CDS1: variants seen among roughly 807,000 people sequenced by gnomAD.
CDS1 encodes the protein phosphatidate cytidylyltransferase 1.
CDS1 carries 41 observed loss-of-function variants against 62.1 expected under a neutral mutation model. The observed-to-expected ratio is 0.66, with a 90% confidence interval of 0.51 to 0.86. CDS1 has a LOEUF of 0.86. CDS1 is among the 40% of genes least tolerant of loss of function. The probability of loss-of-function intolerance (pLI) is 0.00; values close to 1 mark genes in which losing one functional copy is unlikely to be tolerated. For synonymous variants in CDS1, 185 were observed against 192.6 expected (o/e 0.96, Z 0.32); for missense variants, 470 against 550.1 (o/e 0.85, Z 1.46).
chr4:84,645,434 A>G (rs1377216863), intron 12 of CDS1, 109 bp downstream of exon 12: 1 of 668,544 alleles, frequency 1.5e-6, no homozygotes, highest in African/African-American at 1.8e-5. Context: ...CTACAATATT[A>G]AAGTGAATGG....
At chr4:84,601,349 G>A (rs1304753501) in intron 1 of CDS1, among the ~76,000 whole-genome samples, 1 of 152,084 alleles carries the variant, frequency 6.6e-6, no homozygotes, top group Non-Finnish European at 1.5e-5. Flanking sequence ...TCCAAAGAAG[G>A]AATTACAGAA....
intron 1 of CDS1, among the ~76,000 whole-genome samples, chr4:84,600,887 G>T (rs1337830444): frequency 2.0e-5 from 3 of 152,134 alleles, no homozygotes; most frequent in Non-Finnish European, 4.4e-5. Flanking sequence ...AATGGAGGGA[G>T]GCTGGGCACG....
chr4:84,605,167 A>G (rs1723055637), intron 2 of CDS1, among the ~76,000 whole-genome samples: 1 of 152,178 alleles, frequency 6.6e-6, no homozygotes, highest in Admixed American at 6.5e-5. Flanking sequence ...TGTTTCCCCA[A>G]CTTTTTGACA....
chr4:84,584,952 G>A (rs773736163), intron 1 of CDS1, among the ~76,000 whole-genome samples: 77 of 152,242 alleles, frequency 5.1e-4, no homozygotes, highest in Non-Finnish European at 7.8e-4. Context: ...GATTTGTTTT[G>A]TTTTGTTTTT....
intron 9 of CDS1, 67 bp from the exon 10 acceptor site, chr4:84,640,771 G>A (rs2148659619): frequency 5.6e-6 from 7 of 1,255,518 alleles, no homozygotes; most frequent in Non-Finnish European, 7.4e-6. Flanking sequence ...AAAGATATAT[G>A]TTTAGTCAAT....
At chr4:84,612,936 C>G (rs1723369288) in intron 3 of CDS1, among the ~76,000 whole-genome samples, 1 of 147,350 alleles carries the variant, frequency 6.8e-6, no homozygotes, top group African/African-American at 2.5e-5. Flanking sequence ...TTGCAGTGAG[C>G]TGAGATCACA....
chr4:84,625,256 T>G (rs1247273589), intron 5 of CDS1, among the ~76,000 whole-genome samples: 1 of 152,202 alleles, frequency 6.6e-6, no homozygotes, highest in Non-Finnish European at 1.5e-5. Context: ...AGAAACTTAC[T>G]GAAAGTCATC....
chr4:84,639,831 T>C (rs1310774765), intron 9 of CDS1, among the ~76,000 whole-genome samples: 1 of 152,088 alleles, frequency 6.6e-6, no homozygotes, highest in Non-Finnish European at 1.5e-5. Context: ...CAATGAAAAT[T>C]TTAATAAAAT....
chr4:84,589,191 C>G (rs964859689), intron 1 of CDS1, among the ~76,000 whole-genome samples: 1 of 152,230 alleles, frequency 6.6e-6, no homozygotes, highest in Admixed American at 6.5e-5. Context: ...CTTGCATAAC[C>G]GTGGTACATC....
At chr4:84,601,122 A>G (rs984730196) in intron 1 of CDS1, among the ~76,000 whole-genome samples, 9 of 149,416 alleles carry the variant, frequency 6.0e-5, no homozygotes, top group Non-Finnish European at 1.2e-4. Flanking sequence ...GCCATGAGCC[A>G]AGATCACGCC....
At chr4:84,642,985 G>A (rs369816405) in intron 10 of CDS1, 39 bp from the exon 11 acceptor site, 28 of 1,570,054 alleles carry the variant, frequency 1.8e-5, no homozygotes, top group African/African-American at 2.7e-5. Flanking sequence ...CAATTTCAGT[G>A]AAATTAGCCC....
In CDS1 at chr4:84,617,416, G is replaced by C. The variant is rs190385786; in HGVS notation, c.343-148G>C. The C allele has an allele frequency of 5.2e-6, 3 of 576,708 alleles. No individual in the cohort carries two copies. The African/African-American group carries it at 5.8e-5, about 11-fold the overall frequency. The allele number at this position is 576,708 out of a possible 1,614,324, so 35.7% of individuals were successfully genotyped here. On this transcript the variant is annotated intron_variant, in intron 3 of 12. Coordinates refer to ENST00000295887, the MANE Select transcript of CDS1 (RefSeq NM_001263.4). The stretch of plus-strand genomic sequence containing the variant: ...GTTATCACTTGATTTTAGAGACATG[G>C]AATATTGCATTTTTTACTGACATTT...
intron 1 of CDS1, among the ~76,000 whole-genome samples, chr4:84,599,412 A>G (rs1209095426): frequency 2.2e-4 from 3 of 13,832 alleles, no homozygotes; most frequent in Non-Finnish European, 3.1e-4. Context: ...ACACATATAT[A>G]TATATATATA....
intron 3 of CDS1, among the ~76,000 whole-genome samples, chr4:84,613,816 T>C (rs1052780712): frequency 1.3e-5 from 2 of 152,192 alleles, no homozygotes; most frequent in Non-Finnish European, 2.9e-5. Flanking sequence ...AAGAGGTTTT[T>C]TCCCCCCCTG....
chr4:84,635,458 T>C (rs1724154936), intron 8 of CDS1, 107 bp downstream of exon 8: 6 of 735,120 alleles, frequency 8.2e-6, no homozygotes, highest in Non-Finnish European at 1.4e-5. Context: ...TTTGAGGTGC[T>C]TTGATTTTCC....
chr4:84,606,872 G>A (rs1288007307), intron 2 of CDS1, among the ~76,000 whole-genome samples: 1 of 152,132 alleles, frequency 6.6e-6, no homozygotes, highest in Non-Finnish European at 1.5e-5. Flanking sequence ...ATAGAGACAG[G>A]ATTTTGCCTT....
chr4:84,633,818 T>A, intron 6 of CDS1, 39 bp from the exon 7 acceptor site: 1 of 1,395,660 alleles, frequency 7.2e-7, no homozygotes, highest in Non-Finnish European at 1.0e-6. Flanking sequence ...CACTGATCAG[T>A]TGTGTTCACT....
intron 5 of CDS1, among the ~76,000 whole-genome samples, chr4:84,628,576 A>C (rs780772352): frequency 6.6e-6 from 1 of 152,134 alleles, no homozygotes; most frequent in Non-Finnish European, 1.5e-5. Flanking sequence ...TTTGTGGTCC[A>C]GGCTGGAGTA....
At chr4:84,607,541 T>G (rs891547848) in intron 2 of CDS1, among the ~76,000 whole-genome samples, 13 of 151,876 alleles carry the variant, frequency 8.6e-5, no homozygotes, top group African/African-American at 2.7e-4. Flanking sequence ...CAGGCTGGTC[T>G]CAAACTCCTG....
Sources: allele counts gnomAD v4.1 joint callset (sites outside exome capture counted in the v4.1 genomes callset), GRCh38; gene constraint gnomAD v4.1.1; transcripts MANE v1.5; gene names NCBI Gene and HGNC (gene_info 2026-07-23, HGNC 2026-07-21).